MN1: variants seen among roughly 807,000 people sequenced by gnomAD.
MN1 encodes the protein MN1 proto-oncogene, transcriptional regulator.
Under a neutral mutation model 86.9 loss-of-function variants are expected in MN1, and 19 were observed. The ratio of observed to expected loss-of-function variants is 0.22; its 90% CI spans 0.15 to 0.32. The LOEUF is 0.32. Ranked by LOEUF, MN1 falls within the 10% of genes least tolerant of loss-of-function variation. MN1 has a pLI of 1.00. For missense variants in MN1, 1,841 were observed against 1,862.0 expected (o/e 0.99, Z 0.21); for synonymous variants, 928 against 849.6 (o/e 1.09, Z -1.60).
chr22:27,781,020 T>A (rs1269329566), intron 1 of MN1, among the ~76,000 whole-genome samples: 2 of 152,166 alleles, frequency 1.3e-5, no homozygotes, highest in Non-Finnish European at 2.9e-5. Context: ...AGCCTCAACC[T>A]CCCAAGCTCA....
intron 1 of MN1, among the ~76,000 whole-genome samples, chr22:27,796,243 G>A (rs1933292652): frequency 1.3e-5 from 2 of 152,180 alleles, no homozygotes; most frequent in Admixed American, 1.3e-4. Context: ...CGACACCAGG[G>A]CTGGTAACTT....
rs751286449 is a variant in MN1, at chr22:27,798,675, C to A, written c.1869G>T (p.Pro623=). ...GRLGTFEQQA[P]HLAQESAWFS... ...ACCACGCGCTCTCTTGCGCCAAGTG[C>A]GGCGCCTGCTGCTCGAAGGTGCCCA... Residue 623 remains proline, a synonymous_variant, in exon 1 of 2, where the codon CCG becomes CCT. Coordinates refer to ENST00000302326, the MANE Select transcript of MN1 (RefSeq NM_002430.3). 71 of 1,543,422 alleles carry A rather than the reference C, an allele frequency of 4.6e-5. No individual in the cohort carries two copies. Among genetic ancestry groups the A allele is most frequent in the Non-Finnish European group, 5.7e-5 (66 of 1,152,710 alleles).
At position 27,749,453 on chromosome 22, in the gene MN1, T is replaced by C. The variant is rs1254759361; in HGVS notation, c.*1462A>G. ...GTGAAGTGATATCAGTTACTTCCTG[T>C]CTAACCCACCGGGGAATCTATGTGC... On this transcript the variant is annotated 3_prime_UTR_variant, in exon 2 of 2. Transcript: ENST00000302326. The C allele has an allele frequency of 8.6e-6, 2 of 232,030 alleles. No homozygotes were observed. The highest frequency in any genetic ancestry group is 5.6e-5 in the Admixed American group (1 of 17,744). The allele number at this position is 232,030 out of a possible 1,614,324, so 14.4% of individuals were successfully genotyped here.
At chr22:27,787,137 TGTGCAC>T (rs1449186890) in intron 1 of MN1, among the ~76,000 whole-genome samples, 2 of 152,228 alleles carry the variant, frequency 1.3e-5, no homozygotes. Context: ...GTGTGGTATG[TGTGCAC>T]GTGCACGTGC....
At chr22:27,795,380 C>T (rs1933276965) in intron 1 of MN1, among the ~76,000 whole-genome samples, 1 of 152,088 alleles carries the variant, frequency 6.6e-6, no homozygotes, top group Admixed American at 6.5e-5. Context: ...CTCTTGCCTC[C>T]CCCAGCCCCC....
chr22:27,770,042 T>C (rs1251022553), intron 1 of MN1, among the ~76,000 whole-genome samples: 1 of 152,180 alleles, frequency 6.6e-6, no homozygotes. Context: ...TTGGCAATCA[T>C]AATCCAATAT....
intron 1 of MN1, among the ~76,000 whole-genome samples, chr22:27,781,560 G>A (rs1276701092): frequency 6.6e-6 from 1 of 152,144 alleles, no homozygotes; most frequent in Non-Finnish European, 1.5e-5. Context: ...GCCCAGAGAG[G>A]AACTGGACAT....
At position 27,800,438 on chromosome 22, in the gene MN1, C is replaced by A; in HGVS notation, c.106G>T (p.Ala36Ser). ...TGLSMNTHFK[A>S]PAFHTGGPPG... The stretch of plus-strand genomic sequence containing the variant: ...GGCCCCCCAGTGTGGAAAGCCGGGG[C>A]CTTAAAGTGGGTGTTCATGCTCAGT... The change falls in exon 1 of 2, where the codon GCC becomes TCC. Residue 36 changes from alanine (A) to serine (S), a missense_variant. By Grantham distance (99) the Ala-to-Ser change is moderately conservative. Coordinates refer to ENST00000302326, the MANE Select transcript of MN1 (RefSeq NM_002430.3). 6.2e-7 allele frequency: 1 copy of A among 1,614,212 alleles called. No individual in the cohort carries two copies. The highest frequency in any genetic ancestry group is 8.5e-7 in the Non-Finnish European group (1 of 1,180,030).
chr22:27,752,456 C>A (rs1274684222), intron 1 of MN1, among the ~76,000 whole-genome samples: 3 of 152,140 alleles, frequency 2.0e-5, no homozygotes, highest in Non-Finnish European at 4.4e-5. Context: ...TAGTGAAACT[C>A]CCCTGAACCC....
At chr22:27,784,890 G>A (rs1933101920) in intron 1 of MN1, among the ~76,000 whole-genome samples, 1 of 152,084 alleles carries the variant, frequency 6.6e-6, no homozygotes, top group Admixed American at 6.5e-5. Context: ...GTCGGGGGGA[G>A]TTGGGGAGTG....
At chr22:27,773,441 C>T (rs1932937772) in intron 1 of MN1, among the ~76,000 whole-genome samples, 1 of 152,236 alleles carries the variant, frequency 6.6e-6, no homozygotes, top group Non-Finnish European at 1.5e-5. Context: ...CCAAACCTTT[C>T]AAGGCTCAGC....
At position 27,789,760 on chromosome 22, in the gene MN1, T is replaced by C. The variant is rs1018312269; in HGVS notation, c.3781+7003A>G. On this transcript the variant is annotated intron_variant, in intron 1 of 1. Coordinates refer to ENST00000302326, the MANE Select transcript of MN1 (RefSeq NM_002430.3). The stretch of plus-strand genomic sequence containing the variant: ...TCAGTTGCCTTATGTTTAAAGGGCA[T>C]TTGGGTCCCTACGATGATGCGTAAA... Among the ~76,000 whole-genome samples the C allele has an allele frequency of 1.1e-4, 16 of 152,348 alleles. No individual in the cohort carries two copies. The East Asian group carries it at 3.1e-3, about 29-fold the overall frequency.
In MN1 at chr22:27,799,270, G is replaced by A; in HGVS notation, c.1274C>T (p.Pro425Leu). Residue 425 changes from proline (P) to leucine (L), a missense_variant, in exon 1 of 2, where the codon CCT (proline) becomes CTT (leucine). Physicochemically the swap from Pro to Leu is moderately conservative, Grantham distance 98. Coordinates refer to ENST00000302326, the MANE Select transcript of MN1 (RefSeq NM_002430.3). ...AGGAGGATGCTGCATGCTGAAAACA[G>A]GCTCGGAATAAGGGTGCATGCTCCG... ...ENRSMHPYSE[P>L]VFSMQHPPPQ... 1.3e-6 allele frequency: 2 copies of A among 1,583,254 alleles called. No individual in the cohort carries two copies. The highest frequency in any genetic ancestry group is 1.7e-6 in the Non-Finnish European group (2 of 1,163,470).
At chr22:27,765,817 G>C (rs74993282) in intron 1 of MN1, among the ~76,000 whole-genome samples, 12,858 of 152,256 alleles carry the variant, frequency 0.084, 771 homozygotes, top group South Asian at 0.19. Flanking sequence ...CCCGCTCCCT[G>C]GTGTGTGCCT....
At position 27,801,641 on chromosome 22, in the gene MN1, G is replaced by C. The variant is rs1933445721; in HGVS notation, c.-1098C>G. 1 of 175,170 alleles carries C rather than the reference G, an allele frequency of 5.7e-6. No individual in the cohort carries two copies. Among genetic ancestry groups the C allele is most frequent in the African/African-American group, 2.4e-5 (1 of 42,058 alleles). The allele number at this position is 175,170 out of a possible 1,614,324, so 10.9% of individuals were successfully genotyped here. On this transcript the variant is annotated 5_prime_UTR_variant, in exon 1 of 2. Coordinates refer to ENST00000302326, the MANE Select transcript of MN1 (RefSeq NM_002430.3). ...GGGAGGGGGGCGCGGGGGCAGCTCTGGGGGGTCTGCGCACCCCTCTCCCGA... is the reference window on the plus strand; with the variant it reads ...GGGAGGGGGGCGCGGGGGCAGCTCTCGGGGGTCTGCGCACCCCTCTCCCGA...
At position 27,801,356 on chromosome 22, in the gene MN1, G is replaced by C. The variant is rs1218533066; in HGVS notation, c.-813C>G. The C allele has an allele frequency of 4.6e-6, 1 of 216,622 alleles. No homozygotes were observed. The highest frequency in any genetic ancestry group is 9.3e-6 in the Non-Finnish European group (1 of 107,160). 13.4% of individuals were successfully genotyped at this position (216,622 alleles called of 1,614,324 possible). A position where few individuals can be genotyped will look rare whatever the true frequency, so the allele number is the denominator to read the frequency against. ...CGCTGCGTTCGGCGCGCAGCTTCGC[G>C]GCCACGTCCGCCGCCTGCCGCTTCT... On this transcript the variant is annotated 5_prime_UTR_variant, in exon 1 of 2. Coordinates refer to ENST00000302326, the MANE Select transcript of MN1 (RefSeq NM_002430.3).
chr22:27,764,582 C>A (rs1932855936), intron 1 of MN1, among the ~76,000 whole-genome samples: 1 of 152,164 alleles, frequency 6.6e-6, no homozygotes, highest in African/African-American at 2.4e-5. Context: ...GAATCAGAAG[C>A]CTGAGAGGAA....
chr22:27,790,026 G>A (rs1278101311), intron 1 of MN1, among the ~76,000 whole-genome samples: 1 of 152,206 alleles, frequency 6.6e-6, no homozygotes, highest in African/African-American at 2.4e-5. Flanking sequence ...TCAAGACTGG[G>A]AGAAACCCGT....
At chr22:27,763,572 T>C (rs545205037) in intron 1 of MN1, among the ~76,000 whole-genome samples, 1 of 152,308 alleles carries the variant, frequency 6.6e-6, no homozygotes, top group Non-Finnish European at 1.5e-5. Context: ...AGGGGATGAA[T>C]TGGTACCCAA....
Sources: allele counts gnomAD v4.1 joint callset (sites outside exome capture counted in the v4.1 genomes callset), GRCh38; gene constraint gnomAD v4.1.1; transcripts MANE v1.5; gene names NCBI Gene and HGNC (gene_info 2026-07-23, HGNC 2026-07-21).